Variants in ERGIC1 observed in about 807,000 individuals in gnomAD.
ERGIC1 encodes endoplasmic reticulum-golgi intermediate compartment 1.
In ERGIC1, 19 loss-of-function variants were observed where a neutral mutation model predicts 38.3. The observed-to-expected ratio is 0.50, with a 90% CI of 0.35 to 0.73. The LOEUF is 0.73. Among genes scored for constraint, ERGIC1 ranks in the 30% least tolerant of loss-of-function variants. ERGIC1 has a pLI of 0.01. For missense variants in ERGIC1, 294 were observed against 389.2 expected (o/e 0.76, Z 2.06); for synonymous variants, 124 against 157.6 (o/e 0.79, Z 1.60).
intron 1 of ERGIC1, among the ~76,000 whole-genome samples, chr5:172,887,314 C>T (rs1244531240): frequency 1.3e-5 from 2 of 152,182 alleles, no homozygotes; most frequent in Non-Finnish European, 2.9e-5. Context: ...AGGGTTCTGT[C>T]GATCAAACTC....
In ERGIC1 at chr5:172,862,307, C is replaced by CAAAAA. The variant is rs58968820; in HGVS notation, c.21-26371_21-26367dup. ...TGGGCAACTGAGTGAGACTACATCT[C>CAAAAA]AAAAAAAAAAAAAAAAAAAAAAAAA... On this transcript the variant is annotated intron_variant, in intron 1 of 9. Coordinates refer to ENST00000393784, the MANE Select transcript of ERGIC1 (RefSeq NM_001031711.3). Among the ~76,000 whole-genome samples, 217 of 49,210 alleles carry CAAAAA rather than the reference C, an allele frequency of 4.4e-3. 19 individuals carry two copies. Among genetic ancestry groups the CAAAAA allele is most frequent in the African/African-American group, 6.8e-3 (67 of 9,830 alleles). 32.3% of individuals were successfully genotyped at this position (49,210 alleles called of 152,430 possible). A position where few individuals can be genotyped will look rare whatever the true frequency, so the allele number is the denominator to read the frequency against.
intron 4 of ERGIC1, 61 bp from the exon 5 acceptor site, chr5:172,914,653 C>G (rs1210224232): frequency 6.2e-7 from 1 of 1,613,214 alleles, no homozygotes; most frequent in Non-Finnish European, 8.5e-7. Context: ...AGAGAACAGG[C>G]TGGCCCCCAT....
chr5:172,880,428 C>T (rs1360409098), intron 1 of ERGIC1, among the ~76,000 whole-genome samples: 1 of 152,086 alleles, frequency 6.6e-6, no homozygotes, highest in Non-Finnish European at 1.5e-5. Flanking sequence ...TGGGCTCAAG[C>T]AATCCTCCCA....
intron 3 of ERGIC1, among the ~76,000 whole-genome samples, chr5:172,908,343 AGG>A (rs1358975925): frequency 0.012 from 18 of 1,444 alleles, no homozygotes; most frequent in African/African-American, 0.027. Context: ...GGGAGGGGGG[AGG>A]GGGGGGGTGG....
chr5:172,866,866 G>T (rs767102331), intron 1 of ERGIC1: 3 of 310,344 alleles, frequency 9.7e-6, no homozygotes, highest in Non-Finnish European at 1.9e-5. Context: ...CTAGCTCCAG[G>T]CAGGCAGAGA....
In ERGIC1 at chr5:172,920,258, C is replaced by T. The variant is rs1763476681; in HGVS notation, c.376-3747C>T. ...CCCATCAAGAGGTGCTCAAAGAAGC[C>T]ACCAGGGTCCATGTGCTGTGATGGC... On this transcript the variant is annotated intron_variant, in intron 5 of 9. Coordinates refer to ENST00000393784, the MANE Select transcript of ERGIC1 (RefSeq NM_001031711.3). 4.2e-6 allele frequency: 3 copies of T among 711,260 alleles called. No individual in the cohort carries two copies. The South Asian group carries it at 4.5e-5, about 11-fold the overall frequency. The allele number at this position is 711,260 out of a possible 1,614,324, so 44.1% of individuals were successfully genotyped here. A position where few individuals can be genotyped will look rare whatever the true frequency, so the allele number is the denominator to read the frequency against.
In ERGIC1 at chr5:172,846,108, G is replaced by A. The variant is rs538534625; in HGVS notation, c.20+11675G>A. On this transcript the variant is annotated intron_variant, in intron 1 of 9. Transcript: ENST00000393784. This position sits in a 1 kb window ranked among gnomAD's most constrained non-coding sequence, Gnocchi z 4.0. ...CGCCCTTCTCAGCACATCCCATGGGGGTCCATGGCATCCATTTGACCTCTC... is the reference window on the plus strand; with the variant it reads ...CGCCCTTCTCAGCACATCCCATGGGAGTCCATGGCATCCATTTGACCTCTC... Among the ~76,000 whole-genome samples the A allele has an allele frequency of 5.0e-4, 76 of 152,128 alleles. No individual in the cohort carries two copies. The highest frequency in any genetic ancestry group is 1.7e-3 in the African/African-American group (70 of 41,498).
intron 1 of ERGIC1, among the ~76,000 whole-genome samples, chr5:172,868,526 TCAGCGGTTGC>T (rs1026883968): frequency 3.3e-5 from 5 of 152,202 alleles, no homozygotes; most frequent in Non-Finnish European, 5.9e-5. Flanking sequence ...CGGTAAAAGA[TCAGCGGTTGC>T]CAGGGGTTGC....
chr5:172,866,110 C>T (rs552950061), intron 1 of ERGIC1, among the ~76,000 whole-genome samples: 2 of 152,228 alleles, frequency 1.3e-5, no homozygotes, highest in East Asian at 1.9e-4. Flanking sequence ...TTGGTATTGC[C>T]GAGTCCAATT....
At chr5:172,885,694 G>A (rs781224092) in intron 1 of ERGIC1, among the ~76,000 whole-genome samples, 2 of 132,312 alleles carry the variant, frequency 1.5e-5, no homozygotes, top group South Asian at 2.4e-4. Context: ...GACCCCTCCC[G>A]CTGCAGCCCT....
intron 1 of ERGIC1, among the ~76,000 whole-genome samples, chr5:172,865,636 C>T (rs1261304261): frequency 2.0e-5 from 3 of 152,150 alleles, no homozygotes; most frequent in African/African-American, 2.4e-5. Flanking sequence ...ACCCCCACCA[C>T]GGGGTGACCT....
At chr5:172,893,918 T>TATATACACAC (rs1162989475) in intron 2 of ERGIC1, among the ~76,000 whole-genome samples, 1 of 82,932 alleles carries the variant, frequency 1.2e-5, no homozygotes, top group African/African-American at 4.6e-5. Context: ...TGTGTGTGTG[T>TATATACACAC]GTGTGTGTGT....
At chr5:172,893,129 C>A (rs1762609780) in intron 2 of ERGIC1, among the ~76,000 whole-genome samples, 1 of 152,154 alleles carries the variant, frequency 6.6e-6, no homozygotes, top group African/African-American at 2.4e-5. Flanking sequence ...TAGCACTGAC[C>A]TTCATGAACA....
chr5:172,840,277 T>C (rs185640746), intron 1 of ERGIC1, among the ~76,000 whole-genome samples: 1 of 152,332 alleles, frequency 6.6e-6, no homozygotes, highest in Non-Finnish European at 1.5e-5. Context: ...GGTGCTGTAG[T>C]AGCAGGAGAC....
At chr5:172,914,493 GC>G in intron 4 of ERGIC1, 1 of 666,394 alleles carries the variant, frequency 1.5e-6, no homozygotes, top group Non-Finnish European at 2.6e-6. Flanking sequence ...CCCCAGGGTG[GC>G]CCCGGGACCC....
At chr5:172,880,743 G>A (rs1762258315) in intron 1 of ERGIC1, among the ~76,000 whole-genome samples, 1 of 152,240 alleles carries the variant, frequency 6.6e-6, no homozygotes, top group South Asian at 2.1e-4. Context: ...AGTGATCTCA[G>A]AATCCCTGAG....
chr5:172,842,325 G>A lies in ERGIC1; in HGVS notation c.20+7892G>A, dbSNP rs792980. Among the ~76,000 whole-genome samples the A allele has an allele frequency of 4.0e-3, 609 of 152,316 alleles. 5 individuals are homozygous for A. Among genetic ancestry groups the A allele is most frequent in the African/African-American group, 0.014 (562 of 41,566 alleles). On this transcript the variant is annotated intron_variant, in intron 1 of 9. Transcript: ENST00000393784. ...TCTGCCTTATTTCACATAACGTAATGTCCACCAGTTTCATCAATGGTGTCA... is the reference window on the plus strand; with the variant it reads ...TCTGCCTTATTTCACATAACGTAATATCCACCAGTTTCATCAATGGTGTCA...
Position 172,846,274 on chromosome 5 carries a change from TC to T in ERGIC1, c.20+11844del, listed in dbSNP as rs1169324403. On this transcript the variant is annotated intron_variant, in intron 1 of 9. Transcript: ENST00000393784. The surrounding 1 kb of genome is among the most constrained non-coding windows in gnomAD (Gnocchi z 4.0). ...GTGGACTGACTCCCAGCATCTAGAATCCCTTGTGTGATGCTACGTGACTTAA... is the reference window on the plus strand; with the variant it reads ...GTGGACTGACTCCCAGCATCTAGAATCCTTGTGTGATGCTACGTGACTTAA... Among the ~76,000 whole-genome samples the T allele has an allele frequency of 7.2e-5, 11 of 152,226 alleles. No homozygotes were observed. In the East Asian group the frequency reaches 1.9e-3, roughly 27 times the overall value.
intron 1 of ERGIC1, among the ~76,000 whole-genome samples, chr5:172,865,335 C>T (rs1034687340): frequency 3.9e-5 from 6 of 152,158 alleles, no homozygotes; most frequent in Admixed American, 6.5e-5. Context: ...GGATTATAGG[C>T]GTGAGCCACC....
Sources: allele counts gnomAD v4.1 joint callset (sites outside exome capture counted in the v4.1 genomes callset), GRCh38; gene constraint gnomAD v4.1.1; non-coding constraint Gnocchi (gnomAD v3.1); transcripts MANE v1.5; gene names NCBI Gene and HGNC (gene_info 2026-07-23, HGNC 2026-07-21).